CRTAM: variants seen among roughly 807,000 people sequenced by gnomAD.
The protein encoded by CRTAM is cytotoxic and regulatory T cell molecule.
CRTAM carries 44 observed loss-of-function variants against 50.0 expected under a neutral mutation model. The observed-to-expected ratio is 0.88, with a 90% CI of 0.69 to 1.13. CRTAM has a LOEUF of 1.13. Among genes scored for constraint, CRTAM ranks in the 50% most tolerant of loss-of-function variants. The pLI is 0.00. For synonymous variants in CRTAM, 159 were observed against 169.3 expected (o/e 0.94, Z 0.47); for missense variants, 448 against 457.5 (o/e 0.98, Z 0.19).
At chr11:122,850,273 C>A in intron 2 of CRTAM, 59 bp downstream of exon 2, 1 of 1,497,368 alleles carries the variant, frequency 6.7e-7, no homozygotes, top group Non-Finnish European at 9.0e-7. Context: ...GTTTTTCCAG[C>A]CGGACAGTTT....
At chr11:122,863,306 G>GA in intron 6 of CRTAM, among the ~76,000 whole-genome samples, 1 of 123,906 alleles carries the variant, frequency 8.1e-6, no homozygotes, top group African/African-American at 3.4e-5. Flanking sequence ...AAGAGAGAAA[G>GA]AAAAGAAAGA....
intron 1 of CRTAM, among the ~76,000 whole-genome samples, chr11:122,839,493 T>G (rs747665318): frequency 8.5e-5 from 13 of 152,194 alleles, no homozygotes; most frequent in Non-Finnish European, 1.6e-4. Flanking sequence ...AAGTTATACT[T>G]TACATTTTAC....
intron 6 of CRTAM, among the ~76,000 whole-genome samples, chr11:122,863,889 C>T (rs2135251268): frequency 6.6e-6 from 1 of 152,200 alleles, no homozygotes; most frequent in East Asian, 1.9e-4. Context: ...TGGGAGGCTT[C>T]ATTCCCCTCG....
In CRTAM at chr11:122,871,411, A is replaced by G. The variant is rs1316750006; in HGVS notation, c.*12A>G. On this transcript the variant is annotated 3_prime_UTR_variant, in exon 10 of 10. Transcript: ENST00000227348. ...AGAGTATTGTGTAGTGCTCTCTGCA[A>G]TGGAACATGTGATTTCAGGGTTGCC... 1.2e-6 allele frequency: 2 copies of G among 1,606,074 alleles called. No individual in the cohort carries two copies. Among genetic ancestry groups the G allele is most frequent in the African/African-American group, 1.3e-5 (1 of 74,844 alleles).
At chr11:122,855,006 C>T (rs1861986709) in intron 4 of CRTAM, among the ~76,000 whole-genome samples, 1 of 152,062 alleles carries the variant, frequency 6.6e-6, no homozygotes, top group Non-Finnish European at 1.5e-5. Flanking sequence ...TGCAGTGGCA[C>T]GATCTTGACT....
chr11:122,848,296 C>T (rs1861890930), intron 1 of CRTAM, among the ~76,000 whole-genome samples: 1 of 152,134 alleles, frequency 6.6e-6, no homozygotes, highest in African/African-American at 2.4e-5. Flanking sequence ...AGCAAAAATC[C>T]CTTAGAAGAA....
In CRTAM at chr11:122,851,712, C is replaced by G; in HGVS notation, c.213C>G (p.Tyr71Ter). 6.2e-7 allele frequency: 1 copy of G among 1,614,164 alleles called. No homozygotes were observed. ...NEYPALKNSK[Y>*]QLLHHSANQL... ...GTACAGCTTTAAAAAATTCCAAATA[C>G]CAGCTTCTTCATCACTCGGCCAATC... Residue 71 changes from tyrosine (Y) to a stop codon, truncating the protein, a stop_gained, in exon 3 of 10, where the codon TAC (tyrosine) becomes TAG (stop). Coordinates refer to ENST00000227348, the MANE Select transcript of CRTAM (RefSeq NM_019604.4). LOFTEE classifies it high-confidence loss of function.
intron 1 of CRTAM, among the ~76,000 whole-genome samples, chr11:122,848,304 G>A (rs1000570383): frequency 6.6e-6 from 1 of 152,160 alleles, no homozygotes; most frequent in Admixed American, 6.5e-5. Context: ...TCCCTTAGAA[G>A]AAATTCTATT....
rs540363702 is a variant in CRTAM at position 122,842,561 on chromosome 11, T to TG, written c.46+3970dup. On this transcript the variant is annotated intron_variant, in intron 1 of 9. Coordinates refer to ENST00000227348, the MANE Select transcript of CRTAM (RefSeq NM_019604.4). ...CCCAAAGTGCTGGGATTACAGGCGTTGAGCCACCACGCCCGGCCTCAAATT... is the reference window on the plus strand; with the variant it reads ...CCCAAAGTGCTGGGATTACAGGCGTTGGAGCCACCACGCCCGGCCTCAAATT... 4.8e-4 allele frequency among the ~76,000 whole-genome samples: 73 copies of TG among 152,252 alleles called. 2 individuals carry two copies. In the South Asian group the frequency reaches 0.014, roughly 30 times the overall value.
In CRTAM at chr11:122,871,564, A is replaced by C; in HGVS notation, c.*165A>C. The C allele has an allele frequency of 2.0e-6, 1 of 506,350 alleles. No individual in the cohort carries two copies. The highest frequency in any genetic ancestry group is 3.5e-5 in the East Asian group (1 of 28,772). 31.4% of individuals were successfully genotyped at this position (506,350 alleles called of 1,614,324 possible). A position where few individuals can be genotyped will look rare whatever the true frequency, so the allele number is the denominator to read the frequency against. On this transcript the variant is annotated 3_prime_UTR_variant, in exon 10 of 10. Transcript: ENST00000227348. Reference sequence around the variant, plus strand: ...TCTGCCCCGGAGCTAGGGCAGCAACATGAGGACCAAACCATGCACATAAAG... The same window carrying C: ...TCTGCCCCGGAGCTAGGGCAGCAACCTGAGGACCAAACCATGCACATAAAG...
At chr11:122,839,369 G>A (rs1861772922) in intron 1 of CRTAM, among the ~76,000 whole-genome samples, 1 of 152,194 alleles carries the variant, frequency 6.6e-6, no homozygotes, top group East Asian at 1.9e-4. Flanking sequence ...TTGTTAGAAG[G>A]ATCAAATTTC....
chr11:122,864,602 T>C (rs751976910), intron 6 of CRTAM, 34 bp from the exon 7 acceptor site: 1 of 1,465,170 alleles, frequency 6.8e-7, no homozygotes, highest in East Asian at 2.3e-5. Context: ...ATATAATGCA[T>C]GCATAGCTCA....
At chr11:122,857,840 A>G (rs1473518764) in intron 5 of CRTAM, among the ~76,000 whole-genome samples, 1 of 152,224 alleles carries the variant, frequency 6.6e-6, no homozygotes, top group Non-Finnish European at 1.5e-5. Context: ...TGAAAAAGCC[A>G]CAGTGTGATG....
rs1861969747 is a variant in CRTAM at position 122,853,996 on chromosome 11, G to A, written c.400G>A (p.Glu134Lys). Reference sequence around the variant, plus strand: ...TTCAGTTATCAGAAAGCAAAATGGAGAAGAACATGTTGTACTCATGTGCTC... The same window carrying A: ...TTCAGTTATCAGAAAGCAAAATGGAAAAGAACATGTTGTACTCATGTGCTC... ...EASVIRKQNG[E>K]EHVVLMCSTM... The change falls in exon 4 of 10, where the codon GAA becomes AAA. Residue 134 changes from glutamate to lysine, a missense_variant. By Grantham distance (56) the Glu-to-Lys change is moderately conservative (BLOSUM62 1). Coordinates refer to ENST00000227348, the MANE Select transcript of CRTAM (RefSeq NM_019604.4). 1.2e-6 allele frequency: 2 copies of A among 1,613,942 alleles called. No homozygotes were observed. Among genetic ancestry groups the A allele is most frequent in the African/African-American group, 2.7e-5 (2 of 74,908 alleles).
At chr11:122,850,260 AGGGTTTTTCCAGCC>A (rs1565288659) in intron 2 of CRTAM, 46 bp downstream of exon 2, 1 of 1,534,668 alleles carries the variant, frequency 6.5e-7, no homozygotes, top group South Asian at 1.2e-5. Context: ...CCTTAACCTG[AGGGTTTTTCCAGCC>A]GGACAGTTTG....
intron 7 of CRTAM, among the ~76,000 whole-genome samples, chr11:122,866,146 G>GTAGGTAATACT (rs1862170592): frequency 6.6e-6 from 1 of 152,078 alleles, no homozygotes; most frequent in Admixed American, 6.5e-5. Flanking sequence ...TACTTCTGCA[G>GTAGGTAATACT]TCTCATATCT....
Position 122,871,938 on chromosome 11 carries a change from C to A in CRTAM, c.*539C>A, listed in dbSNP as rs1290597017. On this transcript the variant is annotated 3_prime_UTR_variant, in exon 10 of 10. Coordinates refer to ENST00000227348, the MANE Select transcript of CRTAM (RefSeq NM_019604.4). Reference sequence around the variant, plus strand: ...TCACTTGAGGTCAGGAGTTGGAGACCAGCCTGGCCAACATAGTGAAACCCC... The same window carrying A: ...TCACTTGAGGTCAGGAGTTGGAGACAAGCCTGGCCAACATAGTGAAACCCC... 3 of 152,146 alleles carry A rather than the reference C, an allele frequency of 2.0e-5. No homozygotes were observed. The highest frequency in any genetic ancestry group is 4.4e-5 in the Non-Finnish European group (3 of 68,162). 9.4% of individuals were successfully genotyped at this position (152,146 alleles called of 1,614,324 possible). A position where few individuals can be genotyped will look rare whatever the true frequency, so the allele number is the denominator to read the frequency against.
At chr11:122,839,144 G>C (rs1043941732) in intron 1 of CRTAM, among the ~76,000 whole-genome samples, 23 of 152,016 alleles carry the variant, frequency 1.5e-4, no homozygotes, top group African/African-American at 5.6e-4. Context: ...GTGTTAGCCA[G>C]GATGGTCTCA....
intron 1 of CRTAM, among the ~76,000 whole-genome samples, chr11:122,844,042 G>A (rs1057302812): frequency 6.6e-6 from 1 of 152,152 alleles, no homozygotes; most frequent in African/African-American, 2.4e-5. Context: ...AGGAAACAAC[G>A]AATATTCTAT....
Sources: gnomAD v4.1 joint callset for allele counts (sites outside exome capture counted in the v4.1 genomes callset) on GRCh38, gnomAD v4.1.1 for gene constraint, MANE v1.5 for transcripts, NCBI Gene and HGNC (gene_info 2026-07-23, HGNC 2026-07-21) for gene names.